Variants in OSBPL3 observed in about 807,000 individuals in gnomAD.
OSBPL3 encodes the protein oxysterol binding protein like 3, also known as oxysterol-binding protein-related protein 3.
OSBPL3 carries 65 observed loss-of-function variants against 120.1 expected under a neutral mutation model. The observed-to-expected ratio is 0.54, with a 90% CI of 0.44 to 0.67. The LOEUF (loss-of-function observed/expected upper bound fraction) is 0.67, where lower values mean the gene tolerates loss of function less well. Ranked by LOEUF, OSBPL3 falls within the 30% of genes least tolerant of loss-of-function variation. The pLI is 0.00. For synonymous variants in OSBPL3, 416 were observed against 402.6 expected (o/e 1.03, Z -0.40); for missense variants, 1,004 against 1,082.1 (o/e 0.93, Z 1.01).
At chr7:24,842,215 C>G in intron 13 of OSBPL3, 64 bp downstream of exon 13, 1 of 1,513,090 alleles carries the variant, frequency 6.6e-7, no homozygotes, top group East Asian at 2.3e-5. Context: ...ATTTACTGAA[C>G]AGATTAATCA....
Position 24,877,699 on chromosome 7 carries a change from G to C in OSBPL3, c.97-5630C>G, listed in dbSNP as rs1458109087. Among the ~76,000 whole-genome samples, 2 of 152,198 alleles carry C rather than the reference G, an allele frequency of 1.3e-5. No individual in the cohort carries two copies. Among genetic ancestry groups the C allele is most frequent in the African/African-American group, 4.8e-5 (2 of 41,442 alleles). ...ATGTGTGCTGGATTAGAGTGAGTTG[G>C]CACTCAGGACAGAAAACAAGAGGGA... On this transcript the variant is annotated intron_variant, in intron 2 of 22. Coordinates refer to ENST00000313367, the MANE Select transcript of OSBPL3 (RefSeq NM_015550.4). The surrounding 1 kb of genome is among the most constrained non-coding windows in gnomAD (Gnocchi z 4.8).
Position 24,968,183 on chromosome 7 carries a change from T to A in OSBPL3, c.-150+11703A>T, listed in dbSNP as rs562089615. On this transcript the variant is annotated intron_variant, in intron 1 of 22. Coordinates refer to ENST00000313367, the MANE Select transcript of OSBPL3 (RefSeq NM_015550.4). The surrounding 1 kb of genome is among the most constrained non-coding windows in gnomAD (Gnocchi z 4.6). The stretch of plus-strand genomic sequence containing the variant: ...CTTCAAAAGATATTTTATATTTTTA[T>A]ATATACAGTGAGTACAATTAAATGT... Among the ~76,000 whole-genome samples, 22 of 152,342 alleles carry A rather than the reference T, an allele frequency of 1.4e-4. No individual in the cohort carries two copies. The highest frequency in any genetic ancestry group is 5.1e-4 in the African/African-American group (21 of 41,572).
rs1796677468 is a variant in OSBPL3, at chr7:24,833,866, C to CTT, written c.1746+619_1746+620insAA. On this transcript the variant is annotated intron_variant, in intron 15 of 22. Transcript: ENST00000313367. The surrounding 1 kb of genome is among the most constrained non-coding windows in gnomAD (Gnocchi z 4.4). ...GGGAAAGATGAGAAATACTTGGAAG[C>CTT]CCTTTTAAAAGCCAGCATGCTGTGA... 6.6e-6 allele frequency among the ~76,000 whole-genome samples: 1 copy of CTT among 152,146 alleles called. No homozygotes were observed. Among genetic ancestry groups the CTT allele is most frequent in the Non-Finnish European group, 1.5e-5 (1 of 68,032 alleles).
intron 14 of OSBPL3, among the ~76,000 whole-genome samples, chr7:24,838,372 T>C (rs981712078): frequency 3.3e-5 from 5 of 152,102 alleles, no homozygotes; most frequent in Admixed American, 3.3e-4. Flanking sequence ...GGTGCGTGCC[T>C]GTAATCCTAG....
At chr7:24,902,701 A>AAATAATAAGAATAAT (rs1554400292) in intron 1 of OSBPL3, among the ~76,000 whole-genome samples, 1 of 144,038 alleles carries the variant, frequency 6.9e-6, no homozygotes, top group Non-Finnish European at 1.5e-5. Context: ...AAGAGAAAAT[A>AAATAATAAGAATAAT]AATAATAATA....
intron 15 of OSBPL3, among the ~76,000 whole-genome samples, chr7:24,832,820 C>A (rs557177160): frequency 2.0e-5 from 3 of 152,130 alleles, no homozygotes; most frequent in Non-Finnish European, 4.4e-5. Flanking sequence ...GAGGGAGAGT[C>A]CAGGCAGGGG....
In OSBPL3 at chr7:24,804,344, A is replaced by G; in HGVS notation, c.2538T>C (p.Asn846=). 6.2e-7 allele frequency: 1 copy of G among 1,613,908 alleles called. No individual in the cohort carries two copies. Among genetic ancestry groups the G allele is most frequent in the Non-Finnish European group, 8.5e-7 (1 of 1,179,984 alleles). The part of the protein sequence containing the change: ...QRERRRVLEE[N]HVEHQPRFFR... ...AAAACCGAGGCTGGTGCTCCACATG[A>G]TTTTCTTCTAAGACCCGCCGCCTTT... is the stretch of plus-strand genomic sequence containing the variant. The change falls in exon 22 of 23, where the codon AAT becomes AAC. Residue 846 remains asparagine (N), a synonymous_variant. Coordinates refer to ENST00000313367, the MANE Select transcript of OSBPL3 (RefSeq NM_015550.4). This position sits in a 1 kb window ranked among gnomAD's most constrained non-coding sequence, Gnocchi z 5.4.
chr7:24,901,244 T>C (rs1806971657), intron 1 of OSBPL3, among the ~76,000 whole-genome samples: 1 of 151,938 alleles, frequency 6.6e-6, no homozygotes, highest in Admixed American at 6.5e-5. Flanking sequence ...GGAGAATTGC[T>C]TGAACCCAGG....
intron 16 of OSBPL3, among the ~76,000 whole-genome samples, chr7:24,828,633 A>AAAG (rs1554349992): frequency 0.01 from 1,360 of 134,258 alleles, 22 homozygotes; most frequent in Non-Finnish European, 0.017. Context: ...AAAAAAAAAA[A>AAAG]AAAGGCATCG....
At chr7:24,944,340 C>T (rs1179715290) in intron 1 of OSBPL3, among the ~76,000 whole-genome samples, 1 of 152,062 alleles carries the variant, frequency 6.6e-6, no homozygotes, top group Non-Finnish European at 1.5e-5. Context: ...GTTAAAAATG[C>T]CATGGTGGCC....
Position 24,932,261 on chromosome 7 carries a change from C to T in OSBPL3, c.-149-39640G>A, listed in dbSNP as rs117198397. ...CACTGGAATTTGAATGCAGGCATTT[C>T]GGACTGAAGATCACCTTTTTATCCA... On this transcript the variant is annotated intron_variant, in intron 1 of 22. Transcript: ENST00000313367. The surrounding 1 kb of genome is among the most constrained non-coding windows in gnomAD (Gnocchi z 5.6). Among the ~76,000 whole-genome samples the T allele has an allele frequency of 0.019, 2,857 of 152,256 alleles. 46 individuals carry two copies. The highest frequency in any genetic ancestry group is 0.034 in the South Asian group (164 of 4,824).
In OSBPL3 at chr7:24,821,782, T is replaced by C. The variant is rs978881714; in HGVS notation, c.1885-1544A>G. On this transcript the variant is annotated intron_variant, in intron 16 of 22. Coordinates refer to ENST00000313367, the MANE Select transcript of OSBPL3 (RefSeq NM_015550.4). The surrounding 1 kb of genome is among the most constrained non-coding windows in gnomAD (Gnocchi z 5.5). Reference sequence around the variant, plus strand: ...TGCCTCCTAAGAACGTGAGCCCTTCTGTGCCTGTGGGATTTTCAAGGGCAA... The same window carrying C: ...TGCCTCCTAAGAACGTGAGCCCTTCCGTGCCTGTGGGATTTTCAAGGGCAA... Among the ~76,000 whole-genome samples, 1 of 152,248 alleles carries C rather than the reference T, an allele frequency of 6.6e-6. No homozygotes were observed. Among genetic ancestry groups the C allele is most frequent in the Non-Finnish European group, 1.5e-5 (1 of 68,042 alleles).
At position 24,929,489 on chromosome 7, in the gene OSBPL3, T is replaced by C. The variant is rs940362512; in HGVS notation, c.-149-36868A>G. Among the ~76,000 whole-genome samples, 12 of 152,344 alleles carry C rather than the reference T, an allele frequency of 7.9e-5. No homozygotes were observed. The East Asian group carries it at 2.3e-3, about 29-fold the overall frequency. On this transcript the variant is annotated intron_variant, in intron 1 of 22. Coordinates refer to ENST00000313367, the MANE Select transcript of OSBPL3 (RefSeq NM_015550.4). Reference sequence around the variant, plus strand: ...ATAAGTTTTACCAAAAATATCGCAGTACTTTCATAATAGTTTAGCACTTTT... The same window carrying C: ...ATAAGTTTTACCAAAAATATCGCAGCACTTTCATAATAGTTTAGCACTTTT...
At chr7:24,842,671 G>T (rs1447600982) in intron 12 of OSBPL3, among the ~76,000 whole-genome samples, 2 of 152,154 alleles carry the variant, frequency 1.3e-5, no homozygotes, top group African/African-American at 4.8e-5. Flanking sequence ...CAACTGTCCA[G>T]GTCACTCTTT....
At chr7:24,800,972 G>A (rs1181712851) in intron 22 of OSBPL3, among the ~76,000 whole-genome samples, 1 of 150,222 alleles carries the variant, frequency 6.7e-6, no homozygotes, top group East Asian at 1.9e-4. Context: ...GCCGGGTGTG[G>A]TGGCTCACGC....
At position 24,854,614 on chromosome 7, in the gene OSBPL3, T is replaced by A. The variant is rs1799610183; in HGVS notation, c.1028-1980A>T. Among the ~76,000 whole-genome samples, 1 of 151,868 alleles carries A rather than the reference T, an allele frequency of 6.6e-6. No individual in the cohort carries two copies. The highest frequency in any genetic ancestry group is 6.6e-5 in the Admixed American group (1 of 15,230). On this transcript the variant is annotated intron_variant, in intron 10 of 22. Coordinates refer to ENST00000313367, the MANE Select transcript of OSBPL3 (RefSeq NM_015550.4). The surrounding 1 kb of genome is among the most constrained non-coding windows in gnomAD (Gnocchi z 4.1). ...AACTAAAATTTTCTAACGACGCCTA[T>A]GAAACACACTTAGCTCCTTGCTTTA...
intron 1 of OSBPL3, among the ~76,000 whole-genome samples, chr7:24,944,174 A>G (rs6972578): frequency 0.25 from 38,354 of 151,970 alleles, 5,590 homozygotes; most frequent in Non-Finnish European, 0.34. Flanking sequence ...TGGATTCTTC[A>G]TATTCTAAAA....
rs1265105837 is a variant in OSBPL3, at chr7:24,877,399, A to AT, written c.97-5331dup. Among the ~76,000 whole-genome samples, 3 of 151,916 alleles carry AT rather than the reference A, an allele frequency of 2.0e-5. No homozygotes were observed. Among genetic ancestry groups the AT allele is most frequent in the East Asian group, 1.9e-4 (1 of 5,160 alleles). On this transcript the variant is annotated intron_variant, in intron 2 of 22. Coordinates refer to ENST00000313367, the MANE Select transcript of OSBPL3 (RefSeq NM_015550.4). This position sits in a 1 kb window ranked among gnomAD's most constrained non-coding sequence, Gnocchi z 4.8. Reference sequence around the variant, plus strand: ...TAAGGCTGCCAAGTCTTCGCCATTCATTTTTTTTCATATTTGGAAAGCCTG... The same window carrying AT: ...TAAGGCTGCCAAGTCTTCGCCATTCATTTTTTTTTCATATTTGGAAAGCCTG...
rs905559129 is a variant in OSBPL3 at position 24,892,632 on chromosome 7, G to T, written c.-149-11C>A. 67 of 1,347,908 alleles carry T rather than the reference G, an allele frequency of 5.0e-5. No individual in the cohort carries two copies. The highest frequency in any genetic ancestry group is 6.4e-5 in the Non-Finnish European group (67 of 1,045,252). 83.5% of individuals were successfully genotyped at this position (1,347,908 alleles called of 1,614,324 possible). A position where few individuals can be genotyped will look rare whatever the true frequency, so the allele number is the denominator to read the frequency against. ...AGGAAACCCTAAAACCTAAAAAAGA[G>T]AAATTAGAAAGAAGGTCAGAGGCAT... On this transcript the variant is annotated splice_polypyrimidine_tract_variant and intron_variant, in intron 1 of 22. Coordinates refer to ENST00000313367, the MANE Select transcript of OSBPL3 (RefSeq NM_015550.4).
Sources: allele counts gnomAD v4.1 joint callset (sites outside exome capture counted in the v4.1 genomes callset), GRCh38; gene constraint gnomAD v4.1.1; non-coding constraint Gnocchi (gnomAD v3.1); transcripts MANE v1.5; gene names NCBI Gene and HGNC (gene_info 2026-07-23, HGNC 2026-07-21).